CALN1: variants seen among roughly 807,000 people sequenced by gnomAD.
CALN1 encodes calneuron 1.
Under a neutral mutation model 30.6 loss-of-function variants are expected in CALN1, and 17 were observed. That is an observed-to-expected ratio of 0.56 (90% CI 0.38 to 0.83). The LOEUF is 0.83. Among genes scored for constraint, CALN1 ranks in the 40% least tolerant of loss-of-function variants. CALN1 has a pLI of 0.00. For missense variants in CALN1, 291 were observed against 354.9 expected, an observed-to-expected ratio of 0.82 and a Z score of 1.45; for synonymous variants, 156 against 131.4, an observed-to-expected ratio of 1.19 and a Z score of -1.28.
chr7:71,824,918 T>G (rs1788823346), intron 5 of CALN1, among the ~76,000 whole-genome samples: 1 of 152,158 alleles, frequency 6.6e-6, no homozygotes. Flanking sequence ...CCTACACAGT[T>G]GAGTGATCTC....
chr7:72,079,960 G>A (rs1400552732), intron 4 of CALN1, among the ~76,000 whole-genome samples: 1 of 151,306 alleles, frequency 6.6e-6, no homozygotes, highest in Non-Finnish European at 1.5e-5. Context: ...TAGTAGAGAT[G>A]GGGTTTTGCC....
At chr7:72,454,944 G>T in the CALN1 span, among the ~76,000 whole-genome samples, 1 of 151,634 alleles carries the variant, frequency 6.6e-6, no homozygotes, top group Non-Finnish European at 1.5e-5. Flanking sequence ...TGATTCTCCT[G>T]CCTTAGCCTC....
intron 3 of CALN1, among the ~76,000 whole-genome samples, chr7:72,234,601 C>T (rs1794349844): frequency 6.6e-6 from 1 of 152,128 alleles, no homozygotes; most frequent in African/African-American, 2.4e-5. Context: ...TGTGCACCAC[C>T]ACACGCAGCT....
intron 5 of CALN1, among the ~76,000 whole-genome samples, chr7:71,889,442 T>G (rs998764505): frequency 1.3e-5 from 2 of 152,102 alleles, no homozygotes; most frequent in Non-Finnish European, 2.9e-5. Context: ...ATAAAACACA[T>G]GCTCACAGTA....
At chr7:72,413,273 CAT>C (rs1162045064), upstream of CALN1, among the ~76,000 whole-genome samples, 1 of 148,140 alleles carries the variant, frequency 6.8e-6, no homozygotes, top group African/African-American at 2.6e-5. Flanking sequence ...TTCACACACA[CAT>C]GCACACACAC....
At chr7:72,331,816 G>C (rs892307333) in intron 2 of CALN1, among the ~76,000 whole-genome samples, 1 of 152,098 alleles carries the variant, frequency 6.6e-6, no homozygotes, top group African/African-American at 2.4e-5. Flanking sequence ...ATTAAGCCCA[G>C]AATCCATTAG....
At chr7:72,036,440 T>A (rs1011181916) in intron 4 of CALN1, among the ~76,000 whole-genome samples, 1 of 152,182 alleles carries the variant, frequency 6.6e-6, no homozygotes, top group Non-Finnish European at 1.5e-5. Context: ...CCCTCCCCTA[T>A]CTTCTCTTCC....
At chr7:72,202,669 A>C (rs1223450088) in intron 3 of CALN1, among the ~76,000 whole-genome samples, 1 of 152,188 alleles carries the variant, frequency 6.6e-6, no homozygotes. Flanking sequence ...GACTTTGAAA[A>C]CACACTTGTG....
chr7:72,315,050 C>T (rs774682458), intron 2 of CALN1, among the ~76,000 whole-genome samples: 90 of 151,526 alleles, frequency 5.9e-4, no homozygotes, highest in Non-Finnish European at 1.2e-3. Flanking sequence ...ACTTGGCAGG[C>T]TGAGGCAGGA....
chr7:72,271,493 C>T (rs138721611), intron 3 of CALN1, among the ~76,000 whole-genome samples: 12 of 147,836 alleles, frequency 8.1e-5, no homozygotes, highest in African/African-American at 3.0e-4. Context: ...ACTTCCCGGG[C>T]TCAAGCAATC....
chr7:71,862,725 T>C (rs1472834510), intron 5 of CALN1, among the ~76,000 whole-genome samples: 2 of 152,236 alleles, frequency 1.3e-5, no homozygotes, highest in Non-Finnish European at 1.5e-5. Context: ...AGATACATTA[T>C]CCTGACCAGG....
chr7:71,794,298 T>A (rs1371916472), intron 6 of CALN1, among the ~76,000 whole-genome samples: 2 of 152,144 alleles, frequency 1.3e-5, no homozygotes, highest in Admixed American at 1.3e-4. Context: ...AAACACCGAG[T>A]GTGGTGGACA....
chr7:72,239,863 T>C (rs1794722346), intron 3 of CALN1, among the ~76,000 whole-genome samples: 1 of 152,164 alleles, frequency 6.6e-6, no homozygotes, highest in South Asian at 2.1e-4. Context: ...AGAACCACTG[T>C]CAAAGTGCCT....
At position 72,106,300 on chromosome 7, in the gene CALN1, A is replaced by G. The variant is rs1326782093; in HGVS notation, c.245-6T>C. The G allele has an allele frequency of 3.7e-6, 6 of 1,613,832 alleles. No individual in the cohort carries two copies. The African/African-American group carries it at 6.7e-5, about 18-fold the overall frequency. On this transcript the variant is annotated splice_polypyrimidine_tract_variant and splice_region_variant and intron_variant, in intron 3 of 6. Transcript: ENST00000395275. ...CCGAAAGGCCTCTCGGATTTCTACA[A>G]TGGAAAAGCAAAGAAAGTCCAGTGG...
intron 5 of CALN1, among the ~76,000 whole-genome samples, chr7:72,002,948 C>T (rs898310440): frequency 3.9e-5 from 6 of 152,114 alleles, no homozygotes; most frequent in African/African-American, 1.4e-4. Context: ...TTCAGTTATG[C>T]AGTAGGAGAA....
At chr7:72,098,544 G>T (rs952497141) in intron 4 of CALN1, among the ~76,000 whole-genome samples, 3 of 151,750 alleles carry the variant, frequency 2.0e-5, no homozygotes, top group African/African-American at 2.4e-5. Flanking sequence ...TCTCTGCAAA[G>T]AATAATAAAA....
intron 3 of CALN1, among the ~76,000 whole-genome samples, chr7:72,148,642 C>T (rs951905631): frequency 3.9e-5 from 6 of 152,052 alleles, no homozygotes; most frequent in Non-Finnish European, 7.4e-5. Flanking sequence ...TGGTGGCTCA[C>T]GCCTGTAATC....
chr7:72,005,099 A>G (rs1190512399), intron 5 of CALN1, among the ~76,000 whole-genome samples: 1 of 152,234 alleles, frequency 6.6e-6, no homozygotes, highest in African/African-American at 2.4e-5. Flanking sequence ...TATAAAACAA[A>G]ACATGCAGTT....
In CALN1 at chr7:72,220,491, T is replaced by G. The variant is rs978505800; in HGVS notation, c.244+58195A>C. On this transcript the variant is annotated intron_variant, in intron 3 of 6. Coordinates refer to ENST00000395275, the MANE Select transcript of CALN1 (RefSeq NM_031468.4). Reference sequence around the variant, plus strand: ...AAGTCTTTGCTATTGTGAATAGTGCTGCAATAAACATACGTGTGCATGTGT... The same window carrying G: ...AAGTCTTTGCTATTGTGAATAGTGCGGCAATAAACATACGTGTGCATGTGT... Among the ~76,000 whole-genome samples, 361 of 151,880 alleles carry G rather than the reference T, an allele frequency of 2.4e-3. 2 individuals are homozygous for G. The highest frequency in any genetic ancestry group is 0.017 in the Middle Eastern group (5 of 294).
Sources: gnomAD v4.1 joint callset for allele counts (sites outside exome capture counted in the v4.1 genomes callset) on GRCh38, gnomAD v4.1.1 for gene constraint, MANE v1.5 for transcripts, NCBI Gene and HGNC (gene_info 2026-07-23, HGNC 2026-07-21) for gene names.